SEM1: variants seen among roughly 807,000 people sequenced by gnomAD.
SEM1 encodes 26S proteasome complex subunit SEM1.
SEM1 carries 3 observed loss-of-function variants against 12.7 expected under a neutral mutation model. That is an observed-to-expected ratio of 0.24 (90% CI 0.11 to 0.61). The LOEUF is 0.61. SEM1 is among the 20% of genes least tolerant of loss of function. The pLI, the probability that SEM1 is intolerant of heterozygous loss-of-function variation, is 0.88. For missense variants in SEM1, 59 were observed against 81.3 expected (o/e 0.73, Z 1.06); for synonymous variants, 30 against 27.8 (o/e 1.08, Z -0.25).
chr7:96,679,109 TC>T (rs1326581047), intron 2 of SEM1, among the ~76,000 whole-genome samples: 3 of 152,136 alleles, frequency 2.0e-5, no homozygotes, highest in East Asian at 3.8e-4. Flanking sequence ...GATGTATATG[TC>T]CCTGAAACCA....
chr7:96,491,616 C>T (rs1218317909), intron 1 of SEM1, among the ~76,000 whole-genome samples: 4 of 152,174 alleles, frequency 2.6e-5, no homozygotes, highest in African/African-American at 9.7e-5. Flanking sequence ...TCAAAGGCAG[C>T]CTCATATTTA....
At chr7:96,515,700 A>T (rs1804072833) in intron 2 of SEM1, among the ~76,000 whole-genome samples, 1 of 152,332 alleles carries the variant, frequency 6.6e-6, no homozygotes, top group African/African-American at 2.4e-5. Context: ...GCAGCCATAA[A>T]AAAGGATGAG....
intron 2 of SEM1, chr7:96,647,374 T>C (rs1005303017): frequency 6.6e-6 from 1 of 152,234 alleles, no homozygotes; most frequent in Non-Finnish European, 1.5e-5. Flanking sequence ...ATTATTCTTA[T>C]CATATTATGA....
intron 2 of SEM1, among the ~76,000 whole-genome samples, chr7:96,611,444 G>A (rs1807536435): frequency 6.6e-6 from 1 of 152,170 alleles, no homozygotes; most frequent in Admixed American, 6.5e-5. Context: ...AGTCCTCCAT[G>A]ACAGTCATGC....
intron 2 of SEM1, among the ~76,000 whole-genome samples, chr7:96,610,662 C>G (rs1351769474): frequency 1.3e-5 from 2 of 152,198 alleles, no homozygotes; most frequent in Non-Finnish European, 2.9e-5. Context: ...GACTCATTCT[C>G]TTCCAATATA....
chr7:96,685,609 C>T (rs1268541851), downstream of SEM1, among the ~76,000 whole-genome samples: 1 of 151,924 alleles, frequency 6.6e-6, no homozygotes, highest in Non-Finnish European at 1.5e-5. Context: ...GCAAATTATT[C>T]AGCATCTTGG....
intron 2 of SEM1, among the ~76,000 whole-genome samples, chr7:96,530,600 T>G (rs1804609467): frequency 6.6e-6 from 1 of 152,122 alleles, no homozygotes; most frequent in Non-Finnish European, 1.5e-5. Context: ...AGGGTCCTCA[T>G]GAGGGATAAA....
intron 2 of SEM1, among the ~76,000 whole-genome samples, chr7:96,580,813 G>A (rs995485895): frequency 5.9e-5 from 9 of 152,150 alleles, no homozygotes; most frequent in African/African-American, 1.9e-4. Context: ...TTTTTGATGG[G>A]GTTGTTTGTT....
chr7:96,516,339 G>GA (rs1202553903), intron 2 of SEM1, among the ~76,000 whole-genome samples: 1 of 152,094 alleles, frequency 6.6e-6, no homozygotes, highest in Non-Finnish European at 1.5e-5. Flanking sequence ...AGATACGTCT[G>GA]ATAAAAGAGT....
chr7:96,701,413 A>G (rs904912454), intron 1 of SEM1, among the ~76,000 whole-genome samples: 3 of 152,178 alleles, frequency 2.0e-5, no homozygotes, highest in African/African-American at 7.2e-5. Flanking sequence ...AAGAGAACAC[A>G]GCACAAAGGC....
chr7:96,697,914 C>T (rs1451670357), intron 1 of SEM1, among the ~76,000 whole-genome samples: 1 of 152,016 alleles, frequency 6.6e-6, no homozygotes, highest in Non-Finnish European at 1.5e-5. Flanking sequence ...TGCAAACACC[C>T]GTATACCCTG....
At chr7:96,631,167 G>C (rs975727599) in intron 2 of SEM1, among the ~76,000 whole-genome samples, 1 of 152,080 alleles carries the variant, frequency 6.6e-6, no homozygotes, top group African/African-American at 2.4e-5. Context: ...CACATGCCCC[G>C]CTTAGCCCAC....
At chr7:96,693,428 A>C (rs1173169201) in intron 2 of SEM1, among the ~76,000 whole-genome samples, 1 of 152,060 alleles carries the variant, frequency 6.6e-6, no homozygotes, top group Non-Finnish European at 1.5e-5. Context: ...ACAAAAATTA[A>C]CCCAAAGCAA....
At chr7:96,698,019 T>C (rs1790152574) in intron 1 of SEM1, among the ~76,000 whole-genome samples, 1 of 152,172 alleles carries the variant, frequency 6.6e-6, no homozygotes, top group Non-Finnish European at 1.5e-5. Context: ...AAACTGTTAG[T>C]GGAGAACTTC....
At chr7:96,645,389 C>G (rs1219562800) in intron 2 of SEM1, 1 of 171,606 alleles carries the variant, frequency 5.8e-6, no homozygotes, top group South Asian at 2.0e-4. Context: ...AACAGGAAAG[C>G]GGGCACAAAC....
chr7:96,501,556 G>A (rs1299600215), intron 3 of SEM1, among the ~76,000 whole-genome samples: 1 of 152,074 alleles, frequency 6.6e-6, no homozygotes, highest in Non-Finnish European at 1.5e-5. Flanking sequence ...TGTTAGGAAA[G>A]ACTAAAAACC....
At chr7:96,486,467 G>A in intron 1 of SEM1, 1 of 1,459,672 alleles carries the variant, frequency 6.9e-7, no homozygotes, top group Non-Finnish European at 9.3e-7. Flanking sequence ...GCTGGCAGGA[G>A]GTGAGGAGGC....
chr7:96,690,208 G>C (rs1484247252), intron 2 of SEM1, among the ~76,000 whole-genome samples: 1 of 151,832 alleles, frequency 6.6e-6, no homozygotes, highest in Admixed American at 6.6e-5. Context: ...TTAAACCTTA[G>C]TTTTCTACTC....
chr7:96,611,698 A>C (rs1807545548), intron 2 of SEM1, among the ~76,000 whole-genome samples: 1 of 152,190 alleles, frequency 6.6e-6, no homozygotes. Context: ...TTTCATAGGA[A>C]CTTTTGGGTC....
Sources: gnomAD v4.1 joint callset for allele counts (sites outside exome capture counted in the v4.1 genomes callset) on GRCh38, gnomAD v4.1.1 for gene constraint, MANE v1.5 for transcripts, NCBI Gene and HGNC (gene_info 2026-07-23, HGNC 2026-07-21) for gene names.